The following BNC2 variants were observed in gnomAD, a reference collection of about 807,000 sequenced individuals.
BNC2 encodes zinc finger protein basonuclin-2.
In BNC2, 20 loss-of-function variants were observed where a neutral mutation model predicts 76.3. The observed-to-expected ratio is 0.26, with a 90% CI of 0.18 to 0.38. The LOEUF is 0.38. Among genes scored for constraint, BNC2 ranks in the 10% least tolerant of loss-of-function variants. BNC2 has a pLI of 1.00. For synonymous variants in BNC2, 582 were observed against 514.8 expected, an observed-to-expected ratio of 1.13 and a Z score of -1.77; for missense variants, 1,382 against 1,399.8, an observed-to-expected ratio of 0.99 and a Z score of 0.20.
chr9:16,453,579 C>T (rs1821386363), intron 5 of BNC2, among the ~76,000 whole-genome samples: 1 of 151,460 alleles, frequency 6.6e-6, no homozygotes, highest in Admixed American at 6.6e-5. Flanking sequence ...ACCCCACTCA[C>T]ATTCTGACGA....
intron 5 of BNC2, among the ~76,000 whole-genome samples, chr9:16,529,502 T>G (rs1046910916): frequency 6.6e-6 from 1 of 152,174 alleles, no homozygotes; most frequent in Non-Finnish European, 1.5e-5. Context: ...ATTACTTTCA[T>G]AATCAAAAAC....
At chr9:16,433,231 CAA>C (rs1441598141) in intron 6 of BNC2, among the ~76,000 whole-genome samples, 1 of 152,060 alleles carries the variant, frequency 6.6e-6, no homozygotes, top group African/African-American at 2.4e-5. Flanking sequence ...AACCTAAGAT[CAA>C]AAGAGTTGCA....
intron 3 of BNC2, among the ~76,000 whole-genome samples, chr9:16,627,431 AGTT>A (rs78330299): frequency 0.025 from 3,849 of 152,288 alleles, 62 homozygotes; most frequent in Middle Eastern, 0.058. Context: ...CGGCCTGTGC[AGTT>A]GTAAAATATT....
Position 16,552,882 on chromosome 9 carries a change from G to A in BNC2, c.434-117C>T, listed in dbSNP as rs1818708901. The A allele has an allele frequency of 3.8e-6, 3 of 794,216 alleles. No individual in the cohort carries two copies. The Admixed American group carries it at 6.2e-5, about 16-fold the overall frequency. The allele number at this position is 794,216 out of a possible 1,614,324, so 49.2% of individuals were successfully genotyped here. A position where few individuals can be genotyped will look rare whatever the true frequency, so the allele number is the denominator to read the frequency against. Reference sequence around the variant, plus strand: ...CAGGGCTCCATTTCTACACATGAATGTTCGCCATAGGTGTTTAAGCAAGAT... The same window carrying A: ...CAGGGCTCCATTTCTACACATGAATATTCGCCATAGGTGTTTAAGCAAGAT... On this transcript the variant is annotated intron_variant, in intron 4 of 6. Transcript: ENST00000380672.
chr9:16,870,567 G>T, intron 1 of BNC2, 79 bp downstream of exon 1: 1 of 1,541,726 alleles, frequency 6.5e-7, no homozygotes. Flanking sequence ...CCCCCGGGCG[G>T]CCCCGGTGGC....
At chr9:16,657,105 G>C (rs1230157912) in intron 3 of BNC2, among the ~76,000 whole-genome samples, 1 of 152,098 alleles carries the variant, frequency 6.6e-6, no homozygotes, top group Non-Finnish European at 1.5e-5. Context: ...TACAAATATG[G>C]AGCCCTACAG....
chr9:16,577,724 A>G (rs189819151), intron 4 of BNC2, among the ~76,000 whole-genome samples: 9 of 152,332 alleles, frequency 5.9e-5, no homozygotes, highest in Admixed American at 5.9e-4. Flanking sequence ...AGGAAATCAC[A>G]TTTACAGAAC....
chr9:16,609,735 C>T (rs1053373163), intron 3 of BNC2, among the ~76,000 whole-genome samples: 1 of 152,166 alleles, frequency 6.6e-6, no homozygotes, highest in African/African-American at 2.4e-5. Flanking sequence ...AAGGTCTTCT[C>T]TGCTGGACTT....
At chr9:16,819,425 G>A (rs963018094) in intron 1 of BNC2, among the ~76,000 whole-genome samples, 1 of 152,158 alleles carries the variant, frequency 6.6e-6, no homozygotes, top group Non-Finnish European at 1.5e-5. Flanking sequence ...CACACTGGAA[G>A]GCCAAGCTGG....
intron 3 of BNC2, among the ~76,000 whole-genome samples, chr9:16,691,034 C>T (rs1450618298): frequency 6.6e-6 from 1 of 152,160 alleles, no homozygotes; most frequent in Admixed American, 6.5e-5. Context: ...AGATTTTTCA[C>T]AGCCACAAAC....
At chr9:16,520,910 A>G (rs1817596673) in intron 5 of BNC2, among the ~76,000 whole-genome samples, 1 of 152,240 alleles carries the variant, frequency 6.6e-6, no homozygotes, top group Admixed American at 6.5e-5. Context: ...GGCAATTTTG[A>G]AGAATTTCCT....
Position 16,552,645 on chromosome 9 carries a change from C to A in BNC2, c.554G>T (p.Arg185Leu). 6.2e-7 allele frequency: 1 copy of A among 1,614,182 alleles called. No homozygotes were observed. Among genetic ancestry groups the A allele is most frequent in the Non-Finnish European group, 8.5e-7 (1 of 1,180,026 alleles). Residue 185 changes from arginine (R) to leucine (L), a missense_variant, in exon 5 of 7, where the codon CGG (arginine) becomes CTG (leucine). Around this residue, in one of 3 missense-constraint regions of BNC2, gnomAD observed 557 missense variants for 540.9 expected, o/e 1.03. Transcript: ENST00000380672. Reference protein sequence around the residue: ...MLYGTQAVPVRLKILLDRLFS... With the variant: ...MLYGTQAVPVLLKILLDRLFS... ...GAGACGGTCCAGCAGGATCTTTAGC[C>A]GCACAGGCACTGCTTGTGTCCCATA...
chr9:16,539,421 G>A (rs994343888), intron 5 of BNC2, among the ~76,000 whole-genome samples: 20 of 151,216 alleles, frequency 1.3e-4, no homozygotes, highest in African/African-American at 3.6e-4. Flanking sequence ...ACAGCTGCTC[G>A]GGAGGCTGAG....
intron 4 of BNC2, among the ~76,000 whole-genome samples, chr9:16,576,013 T>A (rs984036855): frequency 1.3e-5 from 2 of 152,216 alleles, no homozygotes; most frequent in Non-Finnish European, 2.9e-5. Flanking sequence ...AGTGTTTCTA[T>A]CCTTGTGTTT....
intron 1 of BNC2, among the ~76,000 whole-genome samples, chr9:16,780,351 ATCATGAGGTC>A (rs1168339972): frequency 6.6e-6 from 1 of 152,006 alleles, no homozygotes; most frequent in African/African-American, 2.4e-5. Flanking sequence ...AGGCTGGCAG[ATCATGAGGTC>A]AGGAGCTCAA....
intron 1 of BNC2, among the ~76,000 whole-genome samples, chr9:16,742,676 C>T (rs1366080229): frequency 2.0e-5 from 3 of 152,144 alleles, no homozygotes; most frequent in South Asian, 4.1e-4. Flanking sequence ...CTTTGAGCTT[C>T]GTGGTCTCCT....
Position 16,436,081 on chromosome 9 carries a change from T to A in BNC2, c.2113A>T (p.Ile705Leu). The A allele has an allele frequency of 3.7e-6, 6 of 1,614,170 alleles. No individual in the cohort carries two copies. Among genetic ancestry groups the A allele is most frequent in the Non-Finnish European group, 4.2e-6 (5 of 1,180,046 alleles). Residue 705 changes from isoleucine to leucine, a missense_variant, in exon 6 of 7, where the codon ATA (isoleucine) becomes TTA (leucine). This residue lies in a region of BNC2 where 798 missense variants were observed against 775.5 expected (regional missense o/e 1.03). Transcript: ENST00000380672. Reference protein sequence around the residue: ...NRTRCISRTEIRRADSMTSED... With the variant: ...NRTRCISRTELRRADSMTSED... ...GAAGTCATGCTGTCGGCCCTCCTTA[T>A]TTCAGTCCTTGAAATGCACCGGGTC...
chr9:16,634,055 A>C (rs1408975723), intron 3 of BNC2, among the ~76,000 whole-genome samples: 1 of 152,184 alleles, frequency 6.6e-6, no homozygotes, highest in Non-Finnish European at 1.5e-5. Context: ...CAGCTAATAC[A>C]AGTGATTCCT....
intron 3 of BNC2, 150 bp from the exon 4 acceptor site, chr9:16,583,235 C>T: frequency 3.0e-6 from 2 of 673,730 alleles, no homozygotes; most frequent in Non-Finnish European, 5.1e-6. Context: ...TAGATATCAC[C>T]AAAATCTCTT....
Sources: allele counts gnomAD v4.1 joint callset (sites outside exome capture counted in the v4.1 genomes callset), GRCh38; gene constraint gnomAD v4.1.1; regional missense constraint gnomAD v4.1.1; transcripts MANE v1.5; gene names NCBI Gene and HGNC (gene_info 2026-07-23, HGNC 2026-07-21).